Variants in GSG1L observed in about 807,000 individuals in gnomAD.
GSG1L encodes the protein germ cell-specific gene 1-like protein.
GSG1L carries 24 observed loss-of-function variants against 42.1 expected under a neutral mutation model. The ratio of observed to expected loss-of-function variants is 0.57; its 90% confidence interval spans 0.41 to 0.80. GSG1L has a LOEUF of 0.80. GSG1L is among the 30% of genes least tolerant of loss of function. GSG1L has a pLI of 0.00. For missense variants in GSG1L, 445 were observed against 472.2 expected, an observed-to-expected ratio of 0.94 and a Z score of 0.53; for synonymous variants, 215 against 203.5, an observed-to-expected ratio of 1.06 and a Z score of -0.48.
At chr16:27,929,897 T>C (rs2084637099) in intron 2 of GSG1L, among the ~76,000 whole-genome samples, 1 of 151,920 alleles carries the variant, frequency 6.6e-6, no homozygotes, top group African/African-American at 2.4e-5. Context: ...ACCATTACCT[T>C]CCTCTCCTGC....
intron 1 of GSG1L, among the ~76,000 whole-genome samples, chr16:27,980,982 C>T (rs1448877342): frequency 6.6e-6 from 1 of 151,600 alleles, no homozygotes; most frequent in Non-Finnish European, 1.5e-5. Context: ...TAACTTTACA[C>T]AGCTAGTGGT....
chr16:27,853,937 C>T (rs1351829758), intron 3 of GSG1L, among the ~76,000 whole-genome samples: 4 of 152,204 alleles, frequency 2.6e-5, no homozygotes, highest in African/African-American at 7.2e-5. Context: ...GCCAGCATTC[C>T]CTGTTCCCCT....
At chr16:28,035,210 G>A (rs112542911) in intron 1 of GSG1L, among the ~76,000 whole-genome samples, 7 of 151,934 alleles carry the variant, frequency 4.6e-5, no homozygotes, top group South Asian at 2.1e-4. Context: ...TTGTTTTAGC[G>A]GATGGGGTCT....
chr16:27,976,277 A>G (rs2085249668), intron 1 of GSG1L, among the ~76,000 whole-genome samples: 1 of 151,988 alleles, frequency 6.6e-6, no homozygotes, highest in Admixed American at 6.6e-5. Flanking sequence ...CTCCATCTCA[A>G]TAATAATAAT....
intron 4 of GSG1L, among the ~76,000 whole-genome samples, chr16:27,841,542 G>A (rs1235035737): frequency 2.0e-5 from 3 of 152,194 alleles, no homozygotes; most frequent in African/African-American, 7.2e-5. Flanking sequence ...ACCGGGGGAG[G>A]GAGCAGGGGA....
chr16:28,053,108 T>C (rs900651422), intron 1 of GSG1L, among the ~76,000 whole-genome samples: 5 of 151,944 alleles, frequency 3.3e-5, no homozygotes, highest in Admixed American at 3.3e-4. Context: ...GGATCCCCTG[T>C]AGAGAAACCA....
At chr16:28,057,756 A>G (rs945731762) in intron 1 of GSG1L, among the ~76,000 whole-genome samples, 1 of 152,184 alleles carries the variant, frequency 6.6e-6, no homozygotes, top group African/African-American at 2.4e-5. Flanking sequence ...CGATGCTATC[A>G]TGGGGCAGAT....
intron 3 of GSG1L, among the ~76,000 whole-genome samples, chr16:27,854,214 A>G (rs1198836432): frequency 8.5e-6 from 1 of 118,262 alleles, no homozygotes; most frequent in Admixed American, 8.8e-5. Flanking sequence ...AGGAAGGGGG[A>G]GGATGGGAAA....
At chr16:27,826,066 G>A (rs1362804469) in intron 5 of GSG1L, among the ~76,000 whole-genome samples, 1 of 152,210 alleles carries the variant, frequency 6.6e-6, no homozygotes, top group Non-Finnish European at 1.5e-5. Flanking sequence ...GGGTTAGAGT[G>A]TCTAGGATAA....
At chr16:27,830,873 T>A (rs1265138600) in intron 4 of GSG1L, among the ~76,000 whole-genome samples, 1 of 152,196 alleles carries the variant, frequency 6.6e-6, no homozygotes, top group Non-Finnish European at 1.5e-5. Context: ...GTAAGGAGTA[T>A]GTTGGTTTTG....
intron 1 of GSG1L, among the ~76,000 whole-genome samples, chr16:28,006,832 G>A (rs1221740613): frequency 1.3e-5 from 2 of 152,134 alleles, no homozygotes; most frequent in African/African-American, 4.8e-5. Context: ...TGCACCCTAG[G>A]GGTAGTGAGC....
chr16:27,903,472 C>T (rs1201404745), intron 2 of GSG1L, among the ~76,000 whole-genome samples: 4 of 152,286 alleles, frequency 2.6e-5, no homozygotes, highest in Admixed American at 6.5e-5. Flanking sequence ...AGAGTAGAGT[C>T]GTCCCCTGCG....
At chr16:27,899,008 C>A (rs925191079) in intron 2 of GSG1L, among the ~76,000 whole-genome samples, 1 of 152,168 alleles carries the variant, frequency 6.6e-6, no homozygotes, top group Non-Finnish European at 1.5e-5. Context: ...CCCAGGGAAC[C>A]AGCTCAGCGT....
intron 1 of GSG1L, among the ~76,000 whole-genome samples, chr16:28,001,590 A>C (rs2085578421): frequency 6.6e-6 from 1 of 152,222 alleles, no homozygotes; most frequent in South Asian, 2.1e-4. Flanking sequence ...CAGCTTACCC[A>C]AAACAGGGCT....
chr16:28,055,153 T>C (rs1293424628), intron 1 of GSG1L, among the ~76,000 whole-genome samples: 1 of 152,092 alleles, frequency 6.6e-6, no homozygotes. Context: ...CATTATTCTA[T>C]TTTTATTTTT....
chr16:27,809,482 G>A (rs985660712), intron 5 of GSG1L, among the ~76,000 whole-genome samples: 5 of 152,018 alleles, frequency 3.3e-5, no homozygotes, highest in African/African-American at 1.2e-4. Flanking sequence ...CTCGGCTGAG[G>A]TGGGAGGATC....
chr16:27,861,118 A>G (rs1488272567), intron 3 of GSG1L, among the ~76,000 whole-genome samples: 1 of 152,230 alleles, frequency 6.6e-6, no homozygotes, highest in Non-Finnish European at 1.5e-5. Flanking sequence ...TTGTAATCCC[A>G]GCACTCTGGG....
At chr16:27,896,319 T>A (rs1168406437) in intron 2 of GSG1L, among the ~76,000 whole-genome samples, 1 of 152,190 alleles carries the variant, frequency 6.6e-6, no homozygotes, top group Non-Finnish European at 1.5e-5. Context: ...GCTGGCTGAA[T>A]AAGGGCTCTC....
intron 1 of GSG1L, among the ~76,000 whole-genome samples, chr16:28,053,146 G>A (rs1051553471): frequency 3.3e-5 from 5 of 152,158 alleles, no homozygotes; most frequent in African/African-American, 1.2e-4. Context: ...GAGAGAAGGG[G>A]GTGGCATGCA....
Sources: gnomAD v4.1 joint callset for allele counts (sites outside exome capture counted in the v4.1 genomes callset) on GRCh38, gnomAD v4.1.1 for gene constraint, MANE v1.5 for transcripts, NCBI Gene and HGNC (gene_info 2026-07-23, HGNC 2026-07-21) for gene names.